The following SAMD13 variants were observed in gnomAD, a reference collection of about 807,000 sequenced individuals.
SAMD13 encodes the protein sterile alpha motif domain containing 13, also known as sterile alpha motif domain-containing protein 13.
In SAMD13, 9 loss-of-function variants were observed where a neutral mutation model predicts 12.4. The observed-to-expected ratio is 0.72, with a 90% CI of 0.44 to 1.26. The LOEUF (loss-of-function observed/expected upper bound fraction) is 1.26. SAMD13 is among the 50% of genes most tolerant of loss of function. The probability of loss-of-function intolerance (pLI) is 0.00; values close to 1 mark genes in which losing one functional copy is unlikely to be tolerated. For synonymous variants in SAMD13, 46 were observed against 45.4 expected (o/e 1.01, Z -0.05); for missense variants, 84 against 119.6 (o/e 0.70, Z 1.39).
intron 3 of SAMD13, among the ~76,000 whole-genome samples, chr1:84,341,153 C>A (rs1296925806): frequency 2.0e-5 from 3 of 152,166 alleles, no homozygotes; most frequent in Non-Finnish European, 4.4e-5. Flanking sequence ...GTTTTCCCAG[C>A]ATGCAGGTTG....
At chr1:84,330,417 C>T (rs945850601) in intron 3 of SAMD13, among the ~76,000 whole-genome samples, 3 of 152,106 alleles carry the variant, frequency 2.0e-5, no homozygotes, top group African/African-American at 7.2e-5. Flanking sequence ...TTTCAAGAGT[C>T]AAAGGTACCT....
chr1:84,343,501 A>G (rs1408879644), intron 3 of SAMD13, among the ~76,000 whole-genome samples: 2 of 152,234 alleles, frequency 1.3e-5, no homozygotes, highest in African/African-American at 4.8e-5. Flanking sequence ...TGGTACATAG[A>G]CACCATGGAA....
intron 3 of SAMD13, among the ~76,000 whole-genome samples, chr1:84,337,707 T>C (rs1679331752): frequency 6.6e-6 from 1 of 152,238 alleles, no homozygotes; most frequent in African/African-American, 2.4e-5. Flanking sequence ...TTATGCAGAT[T>C]TCTGCAACTG....
intron 2 of SAMD13, among the ~76,000 whole-genome samples, chr1:84,321,315 G>C (rs192281966): frequency 6.6e-6 from 1 of 152,078 alleles, no homozygotes; most frequent in Admixed American, 6.6e-5. Context: ...TTGATAATTT[G>C]ATTAAGTGCT....
chr1:84,300,053 C>G (rs906067634), upstream of SAMD13, among the ~76,000 whole-genome samples: 1 of 152,098 alleles, frequency 6.6e-6, no homozygotes, highest in East Asian at 1.9e-4. Context: ...CAGGACAACC[C>G]CAGCTCCCCA....
chr1:84,340,076 A>G (rs995118359), intron 3 of SAMD13, among the ~76,000 whole-genome samples: 1 of 152,230 alleles, frequency 6.6e-6, no homozygotes, highest in African/African-American at 2.4e-5. Flanking sequence ...AGGACCCAGC[A>G]ATTCCACCCA....
chr1:84,305,039 G>A (rs1678537718), intron 2 of SAMD13, among the ~76,000 whole-genome samples: 1 of 152,054 alleles, frequency 6.6e-6, no homozygotes, highest in Non-Finnish European at 1.5e-5. Context: ...TAATTACTTA[G>A]GAATGGAATT....
chr1:84,337,214 C>T (rs1286205071), intron 3 of SAMD13, among the ~76,000 whole-genome samples: 1 of 152,176 alleles, frequency 6.6e-6, no homozygotes, highest in African/African-American at 2.4e-5. Context: ...CTTCTCTCAG[C>T]TCCACTAGGT....
At chr1:84,333,996 A>T (rs1392064287) in intron 3 of SAMD13, among the ~76,000 whole-genome samples, 2 of 152,094 alleles carry the variant, frequency 1.3e-5, no homozygotes, top group East Asian at 3.8e-4. Flanking sequence ...TTCATCAAGG[A>T]TATTGGCCTG....
At chr1:84,303,148 A>G in intron 1 of SAMD13, 55 bp from the exon 2 acceptor site, 1 of 1,315,502 alleles carries the variant, frequency 7.6e-7, no homozygotes, top group Non-Finnish European at 1.1e-6. Flanking sequence ...CAGAATATAT[A>G]TTCTTCTCTC....
chr1:84,330,398 C>T (rs2101808797), intron 3 of SAMD13, among the ~76,000 whole-genome samples: 1 of 152,260 alleles, frequency 6.6e-6, no homozygotes, highest in Admixed American at 6.5e-5. Context: ...TGGGTATGGC[C>T]TGCTTAGCTT....
At chr1:84,300,535 A>G (rs1306342758), upstream of SAMD13, among the ~76,000 whole-genome samples, 1 of 152,216 alleles carries the variant, frequency 6.6e-6, no homozygotes. Context: ...ATATTACAGC[A>G]AGTGATAACT....
At chr1:84,320,499 T>C (rs1678918619) in intron 2 of SAMD13, among the ~76,000 whole-genome samples, 1 of 152,224 alleles carries the variant, frequency 6.6e-6, no homozygotes, top group Admixed American at 6.5e-5. Flanking sequence ...AGATCCCTGC[T>C]TGTTAGCATG....
chr1:84,307,835 T>C (rs1231473026), intron 2 of SAMD13, among the ~76,000 whole-genome samples: 2 of 152,128 alleles, frequency 1.3e-5, no homozygotes, highest in African/African-American at 4.8e-5. Context: ...TGAATTGAGA[T>C]TTTCATCTCT....
At chr1:84,316,692 A>G (rs1346458982) in intron 2 of SAMD13, among the ~76,000 whole-genome samples, 1 of 152,086 alleles carries the variant, frequency 6.6e-6, no homozygotes, top group Non-Finnish European at 1.5e-5. Context: ...TGTTTTGGCT[A>G]TTCAAGATCT....
intron 3 of SAMD13, among the ~76,000 whole-genome samples, chr1:84,342,925 T>C (rs575017787): frequency 4.6e-5 from 7 of 152,210 alleles, no homozygotes; most frequent in Non-Finnish European, 8.8e-5. Flanking sequence ...AGGTAACCTA[T>C]AGCGTGGGAG....
intron 3 of SAMD13, among the ~76,000 whole-genome samples, chr1:84,337,005 A>G (rs1261144603): frequency 6.6e-6 from 1 of 152,230 alleles, no homozygotes; most frequent in Non-Finnish European, 1.5e-5. Context: ...CTTTGACTCC[A>G]TGTCTCAAAT....
intron 3 of SAMD13, among the ~76,000 whole-genome samples, chr1:84,327,408 A>C (rs1679081986): frequency 6.6e-6 from 1 of 152,102 alleles, no homozygotes; most frequent in Non-Finnish European, 1.5e-5. Flanking sequence ...GTAAAAAAAC[A>C]ATCAGAACAG....
chr1:84,310,361 G>GAA (rs936350873), intron 2 of SAMD13, among the ~76,000 whole-genome samples: 2 of 147,566 alleles, frequency 1.4e-5, no homozygotes, highest in African/African-American at 5.0e-5. Flanking sequence ...TAGCTGATGA[G>GAA]AAAAAAAAAA....
Sources: gnomAD v4.1 joint callset for allele counts (sites outside exome capture counted in the v4.1 genomes callset) on GRCh38, gnomAD v4.1.1 for gene constraint, MANE v1.5 for transcripts, NCBI Gene and HGNC (gene_info 2026-07-23, HGNC 2026-07-21) for gene names.